LEMD1: variants seen among roughly 807,000 people sequenced by gnomAD.
LEMD1 encodes LEM domain containing 1.
LEMD1 carries 18 observed loss-of-function variants against 17.4 expected under a neutral mutation model. That is an observed-to-expected ratio of 1.04 (90% CI 0.72 to 1.54). The LOEUF is 1.54. Ranked by LOEUF, LEMD1 falls within the 40% of genes most tolerant of loss-of-function variation. The pLI, the probability that LEMD1 is intolerant of heterozygous loss-of-function variation, is 0.00. For missense variants in LEMD1, 195 were observed against 210.4 expected (o/e 0.93, Z 0.45); for synonymous variants, 88 against 77.8 (o/e 1.13, Z -0.69).
intron 4 of LEMD1, among the ~76,000 whole-genome samples, chr1:205,414,307 G>C (rs922212119): frequency 6.6e-6 from 1 of 151,976 alleles, no homozygotes; most frequent in Non-Finnish European, 1.5e-5. Context: ...TGGAGGCCGG[G>C]CAAGGTGGCT....
chr1:205,419,403 A>G, intron 2 of LEMD1, 51 bp from the exon 3 acceptor site: 1 of 1,601,280 alleles, frequency 6.2e-7, no homozygotes, highest in Non-Finnish European at 8.6e-7. Context: ...TTTGTATATG[A>G]GCCTACTAGG....
intron 1 of LEMD1, among the ~76,000 whole-genome samples, chr1:205,429,478 A>G (rs540423752): frequency 6.6e-6 from 1 of 152,282 alleles, no homozygotes; most frequent in Admixed American, 6.5e-5. Flanking sequence ...TTTTGCTGGG[A>G]GGCCATATGC....
intron 4 of LEMD1, among the ~76,000 whole-genome samples, chr1:205,389,087 C>T (rs186911870): frequency 6.7e-4 from 77 of 115,248 alleles, no homozygotes; most frequent in Non-Finnish European, 9.0e-4. Context: ...CTTGCTCTGT[C>T]GCCCAGGCTG....
chr1:205,415,809 G>A (rs1665667849), intron 4 of LEMD1, among the ~76,000 whole-genome samples: 1 of 152,186 alleles, frequency 6.6e-6, no homozygotes, highest in African/African-American at 2.4e-5. Context: ...CACACATTTG[G>A]CCGTGTGCTT....
At chr1:205,449,584 G>GCACAGCA (rs908685535) in intron 1 of LEMD1, among the ~76,000 whole-genome samples, 9 of 152,008 alleles carry the variant, frequency 5.9e-5, no homozygotes, top group Non-Finnish European at 1.2e-4. Context: ...GCACAGCACA[G>GCACAGCA]CACAGCACAC....
intron 1 of LEMD1, among the ~76,000 whole-genome samples, chr1:205,443,422 T>C (rs1416595396): frequency 2.0e-5 from 3 of 152,136 alleles, no homozygotes; most frequent in African/African-American, 7.2e-5. Context: ...AATCCTGGCT[T>C]TTTTTGCTCA....
chr1:205,406,453 T>C (rs575677235), intron 4 of LEMD1, among the ~76,000 whole-genome samples: 40 of 152,342 alleles, frequency 2.6e-4, no homozygotes, highest in African/African-American at 9.1e-4. Flanking sequence ...TGCAGTTTGA[T>C]CTCAGACTGC....
chr1:205,417,872 T>C (rs1665768119), intron 3 of LEMD1, among the ~76,000 whole-genome samples: 1 of 150,832 alleles, frequency 6.6e-6, no homozygotes, highest in African/African-American at 2.4e-5. Flanking sequence ...ACGCTCACAA[T>C]AGAAATTACG....
chr1:205,381,589 A>G lies in LEMD1; in HGVS notation c.*69T>C, dbSNP rs1294000370. The G allele has an allele frequency of 4.1e-6, 6 of 1,467,718 alleles. No homozygotes were observed. In the African/African-American group the frequency reaches 5.6e-5, roughly 14 times the overall value. The allele number at this position is 1,467,718 out of a possible 1,614,324, so 90.9% of individuals were successfully genotyped here. A position where few individuals can be genotyped will look rare whatever the true frequency, so the allele number is the denominator to read the frequency against. On this transcript the variant is annotated 3_prime_UTR_variant, in exon 6 of 6. Transcript: ENST00000367153. ...GGGCTGCAGGCTAGGCTGGCCCTTCAGGGTAGTGTTTTGGTTCTTTCCTGA... is the reference window on the plus strand; with the variant it reads ...GGGCTGCAGGCTAGGCTGGCCCTTCGGGGTAGTGTTTTGGTTCTTTCCTGA...
chr1:205,430,816 G>A (rs977312657), intron 1 of LEMD1, among the ~76,000 whole-genome samples: 1 of 152,342 alleles, frequency 6.6e-6, no homozygotes, highest in Middle Eastern at 3.4e-3. Context: ...CCCCGCCCCC[G>A]CGCCGCTCAG....
At chr1:205,392,006 G>A (rs1032085688) in intron 4 of LEMD1, among the ~76,000 whole-genome samples, 3 of 151,640 alleles carry the variant, frequency 2.0e-5, no homozygotes, top group Non-Finnish European at 2.9e-5. Flanking sequence ...AGCTACTCAG[G>A]AGGCTGGGGC....
At chr1:205,443,459 A>C (rs1394141373) in intron 1 of LEMD1, among the ~76,000 whole-genome samples, 1 of 151,930 alleles carries the variant, frequency 6.6e-6, no homozygotes, top group Non-Finnish European at 1.5e-5. Context: ...AAGGATGGGG[A>C]GTGAGGTCAC....
chr1:205,426,512 C>T (rs1009360331), upstream of LEMD1, among the ~76,000 whole-genome samples: 1 of 152,164 alleles, frequency 6.6e-6, no homozygotes, highest in African/African-American at 2.4e-5. Flanking sequence ...TCAGGGAAAG[C>T]TTCCTGGAGG....
chr1:205,411,581 A>AGAGGAAAG (rs1480723309), intron 4 of LEMD1, among the ~76,000 whole-genome samples: 3 of 136,112 alleles, frequency 2.2e-5, no homozygotes, highest in Non-Finnish European at 4.7e-5. Flanking sequence ...AAAGAAGGAG[A>AGAGGAAAG]GAGGAAAGGA....
At chr1:205,440,033 G>T (rs1015111977) in intron 1 of LEMD1, among the ~76,000 whole-genome samples, 8 of 152,084 alleles carry the variant, frequency 5.3e-5, no homozygotes, top group African/African-American at 1.9e-4. Flanking sequence ...TCCACTGAAG[G>T]CACCACATAT....
chr1:205,426,589 G>A (rs77591660), upstream of LEMD1, among the ~76,000 whole-genome samples: 1,099 of 152,282 alleles, frequency 7.2e-3, 17 homozygotes, highest in African/African-American at 0.025. Flanking sequence ...GATGGGCATC[G>A]TAGGCAAAGG....
At chr1:205,387,343 G>A (rs1034428121) in intron 4 of LEMD1, 3 of 152,000 alleles carry the variant, frequency 2.0e-5, no homozygotes, top group African/African-American at 7.3e-5. Context: ...GGTATAAATT[G>A]TACATAAACA....
intron 4 of LEMD1, among the ~76,000 whole-genome samples, chr1:205,411,503 C>T (rs1446390423): frequency 6.8e-6 from 1 of 147,028 alleles, no homozygotes; most frequent in African/African-American, 2.5e-5. Flanking sequence ...TTGCAGTGAG[C>T]CAAGATTGTG....
chr1:205,401,146 G>A (rs1166966229), intron 4 of LEMD1, among the ~76,000 whole-genome samples: 20 of 150,502 alleles, frequency 1.3e-4, no homozygotes, highest in African/African-American at 2.7e-4. Flanking sequence ...GAATAGTGCC[G>A]CAATAAACAT....
Sources: gnomAD v4.1 joint callset for allele counts (sites outside exome capture counted in the v4.1 genomes callset) on GRCh38, gnomAD v4.1.1 for gene constraint, MANE v1.5 for transcripts, NCBI Gene and HGNC (gene_info 2026-07-23, HGNC 2026-07-21) for gene names.